PRSS23: variants seen among roughly 807,000 people sequenced by gnomAD.
PRSS23 encodes serine protease 23, also known as protease, serine 23.
Under a neutral mutation model 34.7 loss-of-function variants are expected in PRSS23, and 25 were observed. The observed-to-expected ratio is 0.72, with a 90% CI of 0.53 to 1.01. PRSS23 has a LOEUF of 1.01. PRSS23 is among the 50% of genes least tolerant of loss of function. The probability of loss-of-function intolerance (pLI) is 0.00; values close to 1 mark genes in which losing one functional copy is unlikely to be tolerated. For missense variants in PRSS23, 445 were observed against 475.6 expected (o/e 0.94, Z 0.60); for synonymous variants, 176 against 186.6 (o/e 0.94, Z 0.46).
At chr11:86,878,821 C>A (rs1370230492) in intron 2 of PRSS23, among the ~76,000 whole-genome samples, 1 of 151,566 alleles carries the variant, frequency 6.6e-6, no homozygotes, top group East Asian at 2.0e-4. Flanking sequence ...AAGTGAGGAG[C>A]GCCTCTTCCC....
chr11:86,885,652 C>T (rs998838345), intron 2 of PRSS23, among the ~76,000 whole-genome samples: 3 of 152,358 alleles, frequency 2.0e-5, no homozygotes, highest in African/African-American at 7.2e-5. Flanking sequence ...TAGTTCTTCC[C>T]TGTGCCTCCA....
At chr11:86,839,529 C>G (rs1213008470) in intron 2 of PRSS23, among the ~76,000 whole-genome samples, 1 of 152,140 alleles carries the variant, frequency 6.6e-6, no homozygotes, top group East Asian at 1.9e-4. Flanking sequence ...AAACACTCTT[C>G]AGGATATTAT....
intron 2 of PRSS23, among the ~76,000 whole-genome samples, chr11:86,859,511 T>C (rs573852124): frequency 6.7e-6 from 1 of 150,050 alleles, no homozygotes; most frequent in South Asian, 2.1e-4. Context: ...AGGGGGAGAG[T>C]TGAAGATATT....
At chr11:86,906,192 T>C (rs1392203921) in intron 2 of PRSS23, among the ~76,000 whole-genome samples, 1 of 152,128 alleles carries the variant, frequency 6.6e-6, no homozygotes, top group African/African-American at 2.4e-5. Flanking sequence ...ATACCTCTAA[T>C]ATTGTCTGCC....
At chr11:86,830,398 C>T (rs1590883321) in intron 2 of PRSS23, among the ~76,000 whole-genome samples, 1 of 152,146 alleles carries the variant, frequency 6.6e-6, no homozygotes, top group Non-Finnish European at 1.5e-5. Context: ...ATCTGTCACC[C>T]CTTTCTTTGA....
At chr11:86,813,150 T>C (rs1948192096), downstream of PRSS23, among the ~76,000 whole-genome samples, 1 of 152,198 alleles carries the variant, frequency 6.6e-6, no homozygotes. Flanking sequence ...CCCTTAACTA[T>C]GGTGATATAA....
chr11:86,892,982 T>G (rs1948851408), intron 2 of PRSS23, among the ~76,000 whole-genome samples: 2 of 152,214 alleles, frequency 1.3e-5, no homozygotes, highest in African/African-American at 4.8e-5. Context: ...ATAGGGTCTT[T>G]GCAGATATAA....
chr11:86,853,324 G>A (rs1948544675), intron 2 of PRSS23, among the ~76,000 whole-genome samples: 1 of 134,910 alleles, frequency 7.4e-6, no homozygotes, highest in African/African-American at 2.9e-5. Flanking sequence ...GCACAATCTG[G>A]GCTCACCGCA....
At chr11:86,837,209 C>G (rs1284181101) in intron 2 of PRSS23, 1 of 152,180 alleles carries the variant, frequency 6.6e-6, no homozygotes. Context: ...ATTAAGAACT[C>G]AAATGTATTA....
At chr11:86,864,609 G>A (rs1259950589) in intron 2 of PRSS23, among the ~76,000 whole-genome samples, 1 of 152,228 alleles carries the variant, frequency 6.6e-6, no homozygotes, top group Non-Finnish European at 1.5e-5. Flanking sequence ...TTTCCAGGGT[G>A]GATTAGTTTT....
At chr11:86,811,933 C>A (rs1474186247), downstream of PRSS23, among the ~76,000 whole-genome samples, 1 of 152,112 alleles carries the variant, frequency 6.6e-6, no homozygotes, top group African/African-American at 2.4e-5. Flanking sequence ...TGAGGGCTTC[C>A]TTCTTACTTT....
intron 2 of PRSS23, among the ~76,000 whole-genome samples, chr11:86,850,456 G>A (rs1056422923): frequency 3.3e-5 from 5 of 152,184 alleles, no homozygotes; most frequent in Non-Finnish European, 7.3e-5. Flanking sequence ...GGGTTGAGTA[G>A]GGGCTCAGAA....
intron 2 of PRSS23, among the ~76,000 whole-genome samples, chr11:86,873,556 T>C (rs1022654160): frequency 3.3e-5 from 5 of 151,990 alleles, no homozygotes; most frequent in Admixed American, 1.3e-4. Flanking sequence ...GTGTTGGGAT[T>C]GTAGGCATGA....
chr11:86,817,053 C>T (rs1481468548), intron 1 of PRSS23, among the ~76,000 whole-genome samples: 3 of 152,226 alleles, frequency 2.0e-5, no homozygotes, highest in Admixed American at 6.5e-5. Flanking sequence ...TTTATAGTTG[C>T]GATCAGATTT....
At chr11:86,939,421 T>TTTTTTTTTTTTAAAAA (rs1949189479) in intron 2 of PRSS23, among the ~76,000 whole-genome samples, 1 of 99,722 alleles carries the variant, frequency 1.0e-5, no homozygotes, top group South Asian at 3.2e-4. Flanking sequence ...TATATATATA[T>TTTTTTTTTTTTAAAAA]ATATATTTTT....
intron 2 of PRSS23, chr11:86,933,989 G>A (rs1949143819): frequency 6.6e-6 from 1 of 152,156 alleles, no homozygotes; most frequent in African/African-American, 2.4e-5. Context: ...ACACGTCAAA[G>A]CCTGTTTTGA....
intron 2 of PRSS23, chr11:86,910,824 T>C (rs1948972405): frequency 6.6e-6 from 1 of 152,194 alleles, no homozygotes; most frequent in Non-Finnish European, 1.5e-5. Context: ...TGTTTTCCCA[T>C]TATGTGACTC....
intron 2 of PRSS23, among the ~76,000 whole-genome samples, chr11:86,835,408 G>GT (rs1351886633): frequency 1.1e-4 from 17 of 152,260 alleles, no homozygotes; most frequent in African/African-American, 3.4e-4. Context: ...AGCTATTCCT[G>GT]TTTTTTCTGT....
At chr11:86,796,084 G>A (rs1947978664), upstream of PRSS23, among the ~76,000 whole-genome samples, 1 of 152,138 alleles carries the variant, frequency 6.6e-6, no homozygotes, top group African/African-American at 2.4e-5. Context: ...TGGAACAAAA[G>A]CAAGATAGAA....
Sources: allele counts gnomAD v4.1 joint callset (sites outside exome capture counted in the v4.1 genomes callset), GRCh38; gene constraint gnomAD v4.1.1; transcripts MANE v1.5; gene names NCBI Gene and HGNC (gene_info 2026-07-23, HGNC 2026-07-21).